Variants in FBN2 observed in about 807,000 individuals in gnomAD.
FBN2 encodes fibrillin-2.
A neutral mutation model predicts 355.6 loss-of-function variants in FBN2; 105 were observed. The ratio of observed to expected loss-of-function variants is 0.30; its 90% CI spans 0.25 to 0.35. The LOEUF (loss-of-function observed/expected upper bound fraction) is 0.35. Ranked by LOEUF, FBN2 falls within the 10% of genes least tolerant of loss-of-function variation. The pLI is 1.00. For synonymous variants in FBN2, 1,350 were observed against 1,301.2 expected (o/e 1.04, Z -0.81); for missense variants, 3,280 against 3,758.7 (o/e 0.87, Z 3.33).
rs572229683 is a variant in FBN2, at chr5:128,463,228, T to C, written c.826+1496A>G. Among the ~76,000 whole-genome samples, 4 of 152,130 alleles carry C rather than the reference T, an allele frequency of 2.6e-5. No homozygotes were observed. In the South Asian group the frequency reaches 6.2e-4, roughly 24 times the overall value. ...GAGCACAGTAAAGACAGATACAATA[T>C]AATATAGAATATCTTCCTATAGAAG... On this transcript the variant is annotated intron_variant, in intron 6 of 64. Coordinates refer to ENST00000262464, the MANE Select transcript of FBN2 (RefSeq NM_001999.4).
intron 45 of FBN2, among the ~76,000 whole-genome samples, chr5:128,303,494 C>T (rs545067473): frequency 2.0e-5 from 3 of 151,760 alleles, no homozygotes; most frequent in African/African-American, 7.3e-5. Flanking sequence ...TTAATTTGAG[C>T]AGAAAAACAA....
chr5:128,317,542 CT>C (rs1750239441), intron 36 of FBN2, among the ~76,000 whole-genome samples: 1 of 152,124 alleles, frequency 6.6e-6, no homozygotes, highest in African/African-American at 2.4e-5. Context: ...CCACCCCTCC[CT>C]TTTTTTGTAT....
At chr5:128,497,426 TG>T (rs1755684899) in intron 5 of FBN2, among the ~76,000 whole-genome samples, 2 of 152,234 alleles carry the variant, frequency 1.3e-5, no homozygotes, top group South Asian at 4.2e-4. Flanking sequence ...AACAAAATAG[TG>T]GGGGCAACAA....
rs149068555 is a variant in FBN2, at chr5:128,500,430, C to CTTTTTTTTTTT, written c.628+18832_628+18842dup. ...TGAAAATGATGAGACTCTGACAATTCTTTTTTTTTTTTTTTTTTTTTTTTT... is the reference window on the plus strand; with the variant it reads ...TGAAAATGATGAGACTCTGACAATTCTTTTTTTTTTTTTTTTTTTTTTTTTTTTTTTTTTTT... On this transcript the variant is annotated intron_variant, in intron 5 of 64. Transcript: ENST00000262464. Among the ~76,000 whole-genome samples the CTTTTTTTTTTT allele has an allele frequency of 3.5e-4, 18 of 51,180 alleles. 3 individuals are homozygous for CTTTTTTTTTTT. The highest frequency in any genetic ancestry group is 1.4e-3 in the African/African-American group (13 of 9,572). 33.6% of individuals were successfully genotyped at this position (51,180 alleles called of 152,430 possible).
At chr5:128,370,076 G>A (rs544485915) in intron 15 of FBN2, among the ~76,000 whole-genome samples, 1 of 152,180 alleles carries the variant, frequency 6.6e-6, no homozygotes, top group Admixed American at 6.6e-5. Flanking sequence ...GTTCAGACAA[G>A]GTTTATGTGA....
intron 13 of FBN2, among the ~76,000 whole-genome samples, chr5:128,377,232 A>G (rs1051912313): frequency 1.3e-4 from 20 of 152,178 alleles, no homozygotes; most frequent in Admixed American, 1.1e-3. Context: ...TAGTAGATGA[A>G]TATGATGTGT....
At chr5:128,397,708 A>T (rs987400588) in intron 8 of FBN2, among the ~76,000 whole-genome samples, 1 of 152,200 alleles carries the variant, frequency 6.6e-6, no homozygotes, top group Non-Finnish European at 1.5e-5. Context: ...CATGAAATGA[A>T]GGATAAAACA....
rs79890162 is a variant in FBN2, at chr5:128,304,112, C to A, written c.5800+845G>T. ...AGTACTGAAATCTGATTTTAATATT[C>A]ACATAGATAATATCTTGAATATCAA... On this transcript the variant is annotated intron_variant, in intron 45 of 64. Transcript: ENST00000262464. Among the ~76,000 whole-genome samples the A allele has an allele frequency of 6.3e-3, 961 of 152,298 alleles. 8 individuals carry two copies. The highest frequency in any genetic ancestry group is 0.022 in the African/African-American group (916 of 41,566).
At chr5:128,530,226 G>C (rs1756665697) in intron 3 of FBN2, among the ~76,000 whole-genome samples, 1 of 152,130 alleles carries the variant, frequency 6.6e-6, no homozygotes, top group Non-Finnish European at 1.5e-5. Flanking sequence ...GGTCCATTAT[G>C]TGTAAAGTAT....
chr5:128,416,209 G>A (rs897658257), intron 7 of FBN2, among the ~76,000 whole-genome samples: 1 of 152,056 alleles, frequency 6.6e-6, no homozygotes, highest in Admixed American at 6.5e-5. Context: ...ATTTTTAGTA[G>A]AGATGGGGTT....
At position 128,278,870 on chromosome 5, in the gene FBN2, G is replaced by T. The variant is rs3805625; in HGVS notation, c.7139-29C>A. On this transcript the variant is annotated intron_variant, in intron 56 of 64. Transcript: ENST00000262464. ...AAATGGCAAAGTAGAAAGAGTTAAG[G>T]ATGCGGAACTGACATTTCATTATCC... 9,365 of 1,563,272 alleles carry T rather than the reference G, an allele frequency of 6.0e-3. 458 individuals carry two copies. In the East Asian group the frequency reaches 0.13, roughly 22 times the overall value.
chr5:128,492,609 C>A (rs1276720169), intron 5 of FBN2, among the ~76,000 whole-genome samples: 1 of 152,002 alleles, frequency 6.6e-6, no homozygotes, highest in South Asian at 2.1e-4. Flanking sequence ...TCAAGACCAG[C>A]CTTGCCAACA....
intron 23 of FBN2, among the ~76,000 whole-genome samples, chr5:128,347,847 C>T (rs544391307): frequency 5.3e-5 from 8 of 152,062 alleles, no homozygotes; most frequent in Admixed American, 3.3e-4. Flanking sequence ...GGTGCGACCT[C>T]GGCTCACTGC....
chr5:128,287,208 T>C lies in FBN2; in HGVS notation c.6880+100A>G, dbSNP rs17164212. 4.0e-3 allele frequency: 5,344 copies of C among 1,350,088 alleles called. 173 individuals are homozygous for C. In the African/African-American group the frequency reaches 0.069, roughly 17 times the overall value. The allele number at this position is 1,350,088 out of a possible 1,614,324, so 83.6% of individuals were successfully genotyped here. Reference sequence around the variant, plus strand: ...AAATGCTGTCATATATATATTTCTGTAAAGCTCTAGAAGAAATTAGTTGAG... The same window carrying C: ...AAATGCTGTCATATATATATTTCTGCAAAGCTCTAGAAGAAATTAGTTGAG... On this transcript the variant is annotated intron_variant, in intron 54 of 64. Coordinates refer to ENST00000262464, the MANE Select transcript of FBN2 (RefSeq NM_001999.4).
chr5:128,532,857 G>A (rs977325222), intron 2 of FBN2, among the ~76,000 whole-genome samples: 1 of 152,090 alleles, frequency 6.6e-6, no homozygotes, highest in South Asian at 2.1e-4. Context: ...ATCAGCCTGG[G>A]CAGACCCCAA....
chr5:128,536,288 T>C (rs1756843758), intron 2 of FBN2, 114 bp downstream of exon 2: 2 of 797,938 alleles, frequency 2.5e-6, no homozygotes, highest in Non-Finnish European at 2.2e-6. Flanking sequence ...ATCAGTGCAA[T>C]GTGATCACTT....
chr5:128,272,947 A>T (rs1360483009), intron 61 of FBN2, among the ~76,000 whole-genome samples: 1 of 152,198 alleles, frequency 6.6e-6, no homozygotes, highest in Admixed American at 6.5e-5. Context: ...ACATTTTAAA[A>T]ACTGAATTTT....
intron 56 of FBN2, 24 bp downstream of exon 56, chr5:128,280,168 T>G: frequency 6.2e-7 from 1 of 1,601,246 alleles, no homozygotes; most frequent in Non-Finnish European, 8.6e-7. Flanking sequence ...CTACCAAGTA[T>G]AATATATTTG....
At chr5:128,304,051 G>T (rs1052155893) in intron 45 of FBN2, among the ~76,000 whole-genome samples, 4 of 152,150 alleles carry the variant, frequency 2.6e-5, no homozygotes, top group Non-Finnish European at 2.9e-5. Flanking sequence ...GGTATTCCCT[G>T]TTGTATGGAT....
Sources: gnomAD v4.1 joint callset for allele counts (sites outside exome capture counted in the v4.1 genomes callset) on GRCh38, gnomAD v4.1.1 for gene constraint, MANE v1.5 for transcripts, NCBI Gene and HGNC (gene_info 2026-07-23, HGNC 2026-07-21) for gene names.